Variants in MARK2 observed in about 807,000 individuals in gnomAD.
MARK2 encodes serine/threonine-protein kinase MARK2.
Under a neutral mutation model 89.8 loss-of-function variants are expected in MARK2, and 16 were observed. The observed-to-expected ratio is 0.18, with a 90% confidence interval of 0.12 to 0.27. MARK2 has a LOEUF of 0.27. Among genes scored for constraint, MARK2 ranks in the 10% least tolerant of loss-of-function variants. MARK2 has a pLI of 1.00. For missense variants in MARK2, 621 were observed against 1,049.9 expected (o/e 0.59, Z 5.65); for synonymous variants, 382 against 399.5 (o/e 0.96, Z 0.52).
intron 1 of MARK2, among the ~76,000 whole-genome samples, chr11:63,861,113 C>T (rs888416558): frequency 6.6e-6 from 1 of 152,076 alleles, no homozygotes; most frequent in Non-Finnish European, 1.5e-5. Context: ...TTTCTCTCTT[C>T]GGCTACTGGT....
Position 63,841,476 on chromosome 11 carries a change from C to T in MARK2, c.54+1916C>T, listed in dbSNP as rs541629489. On this transcript the variant is annotated intron_variant, in intron 1 of 18. Coordinates refer to ENST00000402010, the MANE Select transcript of MARK2 (RefSeq NM_001039469.3). ...GGAGACAGAGGAGCATGTTCTGTGT[C>T]TCGCAGTCTTTCTCTCCCTTGCCTA... Among the ~76,000 whole-genome samples, 4 of 152,330 alleles carry T rather than the reference C, an allele frequency of 2.6e-5. No individual in the cohort carries two copies. The South Asian group carries it at 8.3e-4, about 32-fold the overall frequency.
rs1941708317 is a variant in MARK2 at position 63,910,743 on chromosome 11, C to T, written c.*1506C>T. 6.6e-6 allele frequency: 1 copy of T among 151,516 alleles called. No homozygotes were observed. The highest frequency in any genetic ancestry group is 2.4e-5 in the African/African-American group (1 of 41,158). The allele number at this position is 151,516 out of a possible 1,614,324, so 9.4% of individuals were successfully genotyped here. ...CAGCGATTAAGCCGAGCCCTTGCGT[C>T]CTAGGAAGGGGCCTTGCCAACCTCA... On this transcript the variant is annotated 3_prime_UTR_variant, in exon 19 of 19. Transcript: ENST00000402010.
At chr11:63,892,390 GC>G (rs1939938308) in intron 1 of MARK2, among the ~76,000 whole-genome samples, 1 of 152,172 alleles carries the variant, frequency 6.6e-6, no homozygotes. Flanking sequence ...TGTCGTTTCT[GC>G]CTGAAAAGCA....
intron 1 of MARK2, among the ~76,000 whole-genome samples, chr11:63,851,122 A>C (rs1234242890): frequency 2.0e-5 from 3 of 152,184 alleles, no homozygotes; most frequent in Non-Finnish European, 4.4e-5. Flanking sequence ...ACCCAAAGGG[A>C]CACAGGCATT....
intron 16 of MARK2, among the ~76,000 whole-genome samples, chr11:63,905,483 G>A (rs1160323889): frequency 6.6e-6 from 1 of 152,248 alleles, no homozygotes; most frequent in Non-Finnish European, 1.5e-5. Context: ...TCTCCCACTA[G>A]TTGGTTCTGT....
intron 1 of MARK2, among the ~76,000 whole-genome samples, chr11:63,842,217 C>CTTT (rs563980317): frequency 1.5e-5 from 2 of 133,070 alleles, no homozygotes. Flanking sequence ...TTCCTGTATT[C>CTTT]TTTTTTTTTT....
chr11:63,870,256 G>T (rs138171903), intron 1 of MARK2, among the ~76,000 whole-genome samples: 3 of 152,172 alleles, frequency 2.0e-5, no homozygotes, highest in South Asian at 2.1e-4. Context: ...TTGTATTTTT[G>T]TGGAGACAGG....
At chr11:63,898,564 C>G in intron 4 of MARK2, 44 bp from the exon 5 acceptor site, 1 of 1,441,538 alleles carries the variant, frequency 6.9e-7, no homozygotes, top group Non-Finnish European at 9.8e-7. Context: ...CAGTATGTGG[C>G]CCCTGTTGCT....
chr11:63,910,694 T>TC lies in MARK2; in HGVS notation c.*1458dup, dbSNP rs1266073934. 6.6e-6 allele frequency: 1 copy of TC among 150,636 alleles called. No individual in the cohort carries two copies. The highest frequency in any genetic ancestry group is 1.5e-5 in the Non-Finnish European group (1 of 67,766). The allele number at this position is 150,636 out of a possible 1,614,324, so 9.3% of individuals were successfully genotyped here. ...TTTATGATGACTCCACCCCTCTTCATCACCCCCGCTCCCAGGCCAGGCTCA... is the reference window on the plus strand; with the variant it reads ...TTTATGATGACTCCACCCCTCTTCATCCACCCCCGCTCCCAGGCCAGGCTCA... On this transcript the variant is annotated 3_prime_UTR_variant, in exon 19 of 19. Transcript: ENST00000402010.
chr11:63,904,250 G>A lies in MARK2; in HGVS notation c.1676+103G>A, dbSNP rs1441144789. The A allele has an allele frequency of 2.8e-6, 3 of 1,085,282 alleles. No homozygotes were observed. The highest frequency in any genetic ancestry group is 3.0e-5 in the Admixed American group (1 of 33,384). 67.2% of individuals were successfully genotyped at this position (1,085,282 alleles called of 1,614,324 possible). ...CACTTGGGGGTCCTGCTGTGTTCTT[G>A]TCATCTTAGCCACAAGAAATGGGTC... On this transcript the variant is annotated intron_variant, in intron 15 of 18. Transcript: ENST00000402010. The surrounding 1 kb of genome is among the most constrained non-coding windows in gnomAD (Gnocchi z 6.3).
chr11:63,901,720 G>GTGTGTGTGTGTGTA (rs1460920893), intron 11 of MARK2, among the ~76,000 whole-genome samples: 70 of 151,604 alleles, frequency 4.6e-4, no homozygotes, highest in African/African-American at 1.6e-3. Flanking sequence ...GTGTGTGTGT[G>GTGTGTGTGTGTGTA]TGTATGTGTC....
In MARK2 at chr11:63,895,376, GC is replaced by G. The variant is rs377739412; in HGVS notation, c.234+41del. On this transcript the variant is annotated intron_variant, in intron 2 of 18. Transcript: ENST00000402010. ...ACTGGGGACATGGCAGCACCTCCCAGCCCTGTTGACACTCCAGCAGGTGGTG... is the reference window on the plus strand; with the variant it reads ...ACTGGGGACATGGCAGCACCTCCCAGCCTGTTGACACTCCAGCAGGTGGTG... 466 of 1,597,426 alleles carry G rather than the reference GC, an allele frequency of 2.9e-4. 2 individuals are homozygous for G. The African/African-American group carries it at 5.3e-3, about 18-fold the overall frequency.
rs1409432409 is a variant in MARK2, at chr11:63,903,022, T to A, written c.1417-39T>A. 6.4e-7 allele frequency: 1 copy of A among 1,573,042 alleles called. No homozygotes were observed. The highest frequency in any genetic ancestry group is 1.3e-5 in the African/African-American group (1 of 74,242). Reference sequence around the variant, plus strand: ...GGGAGAACCTGGCTGTAGACCACTTTGGCTTTCTGATAGAACGCTTGCCCT... The same window carrying A: ...GGGAGAACCTGGCTGTAGACCACTTAGGCTTTCTGATAGAACGCTTGCCCT... On this transcript the variant is annotated intron_variant, in intron 13 of 18. Transcript: ENST00000402010. The surrounding 1 kb of genome is among the most constrained non-coding windows in gnomAD (Gnocchi z 5.1).
intron 1 of MARK2, among the ~76,000 whole-genome samples, chr11:63,863,171 T>G (rs937808808): frequency 2.0e-5 from 3 of 152,178 alleles, no homozygotes; most frequent in African/African-American, 7.2e-5. Flanking sequence ...ACTTCCTGTT[T>G]GCATTTGCTC....
chr11:63,895,134 T>C (rs1940264210), intron 1 of MARK2, 25 bp from the exon 2 acceptor site: 1 of 1,601,502 alleles, frequency 6.2e-7, no homozygotes, highest in Non-Finnish European at 8.5e-7. Flanking sequence ...TGGCATGTAA[T>C]GGTATCTCTG....
At chr11:63,888,995 GCCT>G (rs759326067) in intron 1 of MARK2, 3 of 1,335,806 alleles carry the variant, frequency 2.2e-6, no homozygotes, top group Non-Finnish European at 3.0e-6. Context: ...CTCTAGGATT[GCCT>G]CCTCCTCTTT....
chr11:63,845,004 G>T (rs924626075), intron 1 of MARK2, among the ~76,000 whole-genome samples: 1 of 152,212 alleles, frequency 6.6e-6, no homozygotes, highest in Admixed American at 6.5e-5. Context: ...GGGGTAGGGG[G>T]TGGGCGCCAC....
chr11:63,901,305 G>T (rs573555201), intron 11 of MARK2, among the ~76,000 whole-genome samples: 2 of 152,218 alleles, frequency 1.3e-5, no homozygotes, highest in South Asian at 4.2e-4. Flanking sequence ...TTCAATACGG[G>T]TGAGTTGATC....
rs1430853141 is a variant in MARK2 at position 63,863,443 on chromosome 11, T to TC, written c.54+23888dup. Among the ~76,000 whole-genome samples the TC allele has an allele frequency of 3.7e-4, 36 of 97,580 alleles. 3 individuals carry two copies. The highest frequency in any genetic ancestry group is 2.9e-3 in the Admixed American group (27 of 9,418). The allele number at this position is 97,580 out of a possible 152,430, so 64.0% of individuals were successfully genotyped here. A position where few individuals can be genotyped will look rare whatever the true frequency, so the allele number is the denominator to read the frequency against. On this transcript the variant is annotated intron_variant, in intron 1 of 18. Coordinates refer to ENST00000402010, the MANE Select transcript of MARK2 (RefSeq NM_001039469.3). The stretch of plus-strand genomic sequence containing the variant: ...AGAGTAAAGGGGTGAACTATTGCCC[T>TC]CCCCCACCCCCCCACCCCCCACCCC...
Sources: allele counts gnomAD v4.1 joint callset (sites outside exome capture counted in the v4.1 genomes callset), GRCh38; gene constraint gnomAD v4.1.1; non-coding constraint Gnocchi (gnomAD v3.1); transcripts MANE v1.5; gene names NCBI Gene and HGNC (gene_info 2026-07-23, HGNC 2026-07-21).